SRGAP1: variants seen among roughly 807,000 people sequenced by gnomAD.
The protein encoded by SRGAP1 is SLIT-ROBO Rho GTPase activating protein 1, also known as SLIT-ROBO Rho GTPase-activating protein 1.
In SRGAP1, 43 loss-of-function variants were observed where a neutral mutation model predicts 121.9. That is an observed-to-expected ratio of 0.35 (90% CI 0.28 to 0.46). The LOEUF is 0.46. Ranked by LOEUF, SRGAP1 falls within the 20% of genes least tolerant of loss-of-function variation. The pLI is 1.00. For missense variants in SRGAP1, 1,102 were observed against 1,350.9 expected (o/e 0.82, Z 2.89); for synonymous variants, 447 against 485.4 (o/e 0.92, Z 1.04).
At chr12:63,865,567 CAA>C (rs1347394368) in intron 1 of SRGAP1, among the ~76,000 whole-genome samples, 1 of 152,106 alleles carries the variant, frequency 6.6e-6, no homozygotes, top group African/African-American at 2.4e-5. Context: ...GTTTTCCCTG[CAA>C]AAAGTCATTG....
rs534705209 is a variant in SRGAP1 at position 64,128,223 on chromosome 12, T to C, written c.2880+23T>C. On this transcript the variant is annotated intron_variant, in intron 21 of 21. Coordinates refer to ENST00000355086, the MANE Select transcript of SRGAP1 (RefSeq NM_020762.4). ...CAGGTACGATGCTTTTAATTACATATTGCATTTTAAGTACCTAAGTGTGAT... is the reference window on the plus strand; with the variant it reads ...CAGGTACGATGCTTTTAATTACATACTGCATTTTAAGTACCTAAGTGTGAT... The C allele has an allele frequency of 3.2e-5, 51 of 1,581,156 alleles. 1 individual carries two copies. The highest frequency in any genetic ancestry group is 8.0e-5 in the South Asian group (7 of 87,828).
intron 1 of SRGAP1, among the ~76,000 whole-genome samples, chr12:63,977,599 T>G (rs1236198021): frequency 6.6e-6 from 1 of 151,822 alleles, no homozygotes; most frequent in East Asian, 1.9e-4. Flanking sequence ...ATTCCTTCAT[T>G]TCGTCTGTTT....
chr12:63,920,532 C>T (rs761356416), intron 1 of SRGAP1, among the ~76,000 whole-genome samples: 11 of 152,052 alleles, frequency 7.2e-5, no homozygotes, highest in Admixed American at 2.6e-4. Flanking sequence ...CATGACAAGG[C>T]GATTAGAAGG....
intron 6 of SRGAP1, among the ~76,000 whole-genome samples, chr12:64,057,196 A>G (rs542548062): frequency 6.6e-6 from 1 of 152,192 alleles, no homozygotes; most frequent in African/African-American, 2.4e-5. Flanking sequence ...ACCCATCCCT[A>G]TCACACAGAT....
chr12:64,080,341 A>G lies in SRGAP1; in HGVS notation c.1379A>G (p.His460Arg), dbSNP rs2035815191. 2.5e-6 allele frequency: 4 copies of G among 1,613,880 alleles called. No homozygotes were observed. The highest frequency in any genetic ancestry group is 3.4e-6 in the Non-Finnish European group (4 of 1,179,862). The change falls in exon 10 of 22, where the codon CAT becomes CGT. Residue 460 changes from histidine (H) to arginine (R), a missense_variant. This residue lies in a region of SRGAP1 where 747 missense variants were observed against 929.4 expected (regional missense o/e 0.80). Coordinates refer to ENST00000355086, the MANE Select transcript of SRGAP1 (RefSeq NM_020762.4). ...CTCATCACAAAACTTCAAGCCAAAC[A>G]TGACTTGCTGCAGAGGACCCTGGGA... ...SNLITKLQAKHDLLQRTLGEG... is the reference protein window; with the variant it reads ...SNLITKLQAKRDLLQRTLGEG...
chr12:64,003,928 A>G (rs752110505), intron 3 of SRGAP1, among the ~76,000 whole-genome samples: 15 of 152,322 alleles, frequency 9.8e-5, no homozygotes, highest in Middle Eastern at 3.4e-3. Context: ...AAAACTAAAG[A>G]CAAAGAAAAA....
intron 1 of SRGAP1, among the ~76,000 whole-genome samples, chr12:63,913,619 C>T (rs1429446365): frequency 6.6e-6 from 1 of 151,034 alleles, no homozygotes; most frequent in African/African-American, 2.4e-5. Flanking sequence ...AACTTCATCT[C>T]TCTCCCTGTT....
At chr12:63,941,558 G>A (rs939327645) in intron 1 of SRGAP1, among the ~76,000 whole-genome samples, 14 of 152,072 alleles carry the variant, frequency 9.2e-5, no homozygotes, top group Admixed American at 8.5e-4. Context: ...AAGTTCACTT[G>A]GGTTTCACCA....
chr12:64,031,669 A>G (rs1324324128), intron 4 of SRGAP1, among the ~76,000 whole-genome samples: 1 of 152,180 alleles, frequency 6.6e-6, no homozygotes, highest in African/African-American at 2.4e-5. Context: ...TTCATCAGAT[A>G]TTCTCCTTTT....
In SRGAP1 at chr12:64,159,465, C is replaced by CAACA. The variant is rs60223652; in HGVS notation, c.*16814_*16817dup. On this transcript the variant is annotated 3_prime_UTR_variant, in exon 22 of 22. Coordinates refer to ENST00000355086, the MANE Select transcript of SRGAP1 (RefSeq NM_020762.4). ...GGGCAACAAAAGTGAAACTCCATCT[C>CAACA]AACAAACAAACAAACAAACAAACAG... 118 of 156,002 alleles carry CAACA rather than the reference C, an allele frequency of 7.6e-4. 1 individual carries two copies. Among genetic ancestry groups the CAACA allele is most frequent in the East Asian group, 1.9e-3 (10 of 5,262 alleles). The allele number at this position is 156,002 out of a possible 1,614,324, so 9.7% of individuals were successfully genotyped here.
intron 1 of SRGAP1, among the ~76,000 whole-genome samples, chr12:63,976,147 A>G (rs1291043610): frequency 6.6e-6 from 1 of 152,212 alleles, no homozygotes; most frequent in Non-Finnish European, 1.5e-5. Context: ...CAGCCTAAAC[A>G]CAGGTATTTT....
chr12:64,102,517 C>A (rs1028468340), intron 15 of SRGAP1, among the ~76,000 whole-genome samples: 13 of 152,058 alleles, frequency 8.5e-5, no homozygotes, highest in Non-Finnish European at 8.8e-5. Flanking sequence ...ATTTTTATTA[C>A]CCCCAAAAGA....
At chr12:63,846,593 A>T (rs994748004) in intron 1 of SRGAP1, among the ~76,000 whole-genome samples, 1 of 152,234 alleles carries the variant, frequency 6.6e-6, no homozygotes, top group African/African-American at 2.4e-5. Flanking sequence ...AATCATGAAC[A>T]TGGTGAAAAT....
At chr12:63,853,269 C>G (rs1023867353) in intron 1 of SRGAP1, among the ~76,000 whole-genome samples, 3 of 152,088 alleles carry the variant, frequency 2.0e-5, no homozygotes, top group Admixed American at 1.3e-4. Context: ...GATCCACCCA[C>G]CTCGGCCTCC....
intron 15 of SRGAP1, among the ~76,000 whole-genome samples, chr12:64,104,995 T>A (rs900852542): frequency 2.0e-5 from 3 of 152,040 alleles, no homozygotes; most frequent in African/African-American, 7.2e-5. Flanking sequence ...ATCACCACTA[T>A]CCATTTCTAG....
At chr12:64,110,836 A>C (rs2036420103) in intron 16 of SRGAP1, among the ~76,000 whole-genome samples, 1 of 152,198 alleles carries the variant, frequency 6.6e-6, no homozygotes, top group Non-Finnish European at 1.5e-5. Flanking sequence ...CTTATTTCCA[A>C]AAAAAGGGTA....
chr12:64,061,223 A>G (rs2035445550), intron 6 of SRGAP1, among the ~76,000 whole-genome samples: 1 of 152,186 alleles, frequency 6.6e-6, no homozygotes, highest in Admixed American at 6.5e-5. Flanking sequence ...TAGGAATACT[A>G]AATGAAATTC....
At chr12:64,069,707 G>A (rs1263472466) in intron 8 of SRGAP1, among the ~76,000 whole-genome samples, 1 of 152,108 alleles carries the variant, frequency 6.6e-6, no homozygotes. Flanking sequence ...CTGTCATCCA[G>A]GCTGGAGTGC....
At chr12:63,858,200 GTGTGTC>G (rs1339283393) in intron 1 of SRGAP1, among the ~76,000 whole-genome samples, 6 of 151,212 alleles carry the variant, frequency 4.0e-5, no homozygotes, top group African/African-American at 7.3e-5. Flanking sequence ...GTGTGTGTGT[GTGTGTC>G]TGTCTGTCTG....
Sources: allele counts gnomAD v4.1 joint callset (sites outside exome capture counted in the v4.1 genomes callset), GRCh38; gene constraint gnomAD v4.1.1; regional missense constraint gnomAD v4.1.1; transcripts MANE v1.5; gene names NCBI Gene and HGNC (gene_info 2026-07-23, HGNC 2026-07-21).